GRAP2: variants seen among roughly 807,000 people sequenced by gnomAD.
GRAP2 encodes GRB2-related adapter protein 2.
GRAP2 carries 31 observed loss-of-function variants against 43.5 expected under a neutral mutation model. The observed-to-expected ratio is 0.71, with a 90% CI of 0.54 to 0.96. The LOEUF (loss-of-function observed/expected upper bound fraction) is 0.96, where lower values mean the gene tolerates loss of function less well. Among genes scored for constraint, GRAP2 ranks in the 40% least tolerant of loss-of-function variants. GRAP2 has a pLI of 0.00. For missense variants in GRAP2, 371 were observed against 424.4 expected, an observed-to-expected ratio of 0.87 and a Z score of 1.11; for synonymous variants, 156 against 164.8, an observed-to-expected ratio of 0.95 and a Z score of 0.41.
chr22:39,954,465 G>A (rs186066973), intron 2 of GRAP2, among the ~76,000 whole-genome samples: 7 of 152,212 alleles, frequency 4.6e-5, no homozygotes, highest in Admixed American at 3.3e-4. Context: ...GCAAGATCAC[G>A]GTTCACTGCA....
upstream of GRAP2, among the ~76,000 whole-genome samples, chr22:39,899,918 G>A (rs966180790): frequency 2.6e-5 from 4 of 152,088 alleles, no homozygotes; most frequent in African/African-American, 7.2e-5. Flanking sequence ...CTCGGGAGAC[G>A]GAGGTTGCAG....
Position 39,972,608 on chromosome 22 carries a change from T to C in GRAP2, c.*1524T>C, listed in dbSNP as rs1225707558. ...GGGATGGGGTTGGGGGCAGCCGTTATTGAAGGTGATCGGAGAAGAAAGATT... is the reference window on the plus strand; with the variant it reads ...GGGATGGGGTTGGGGGCAGCCGTTACTGAAGGTGATCGGAGAAGAAAGATT... On this transcript the variant is annotated 3_prime_UTR_variant, in exon 8 of 8. Transcript: ENST00000344138. 6.6e-6 allele frequency: 1 copy of C among 152,202 alleles called. No homozygotes were observed. The highest frequency in any genetic ancestry group is 1.5e-5 in the Non-Finnish European group (1 of 68,040). 9.4% of individuals were successfully genotyped at this position (152,202 alleles called of 1,614,324 possible). A position where few individuals can be genotyped will look rare whatever the true frequency, so the allele number is the denominator to read the frequency against.
chr22:39,928,337 T>C (rs1280849833), intron 1 of GRAP2, among the ~76,000 whole-genome samples: 2 of 152,200 alleles, frequency 1.3e-5, no homozygotes, highest in Non-Finnish European at 2.9e-5. Context: ...AATAAATGGG[T>C]TATTCACCTT....
chr22:39,927,266 C>T (rs933985953), intron 1 of GRAP2, among the ~76,000 whole-genome samples: 1 of 152,162 alleles, frequency 6.6e-6, no homozygotes, highest in Non-Finnish European at 1.5e-5. Flanking sequence ...TCTCGGCCCG[C>T]CGGCATGTGC....
chr22:39,938,940 C>G (rs1470901795), intron 1 of GRAP2, among the ~76,000 whole-genome samples: 1 of 152,112 alleles, frequency 6.6e-6, no homozygotes, highest in African/African-American at 2.4e-5. Context: ...AGAGGCCCCC[C>G]TCGTTCCATG....
chr22:39,967,218 A>G (rs994402381), intron 5 of GRAP2, among the ~76,000 whole-genome samples: 1 of 152,192 alleles, frequency 6.6e-6, no homozygotes, highest in African/African-American at 2.4e-5. Context: ...CTGAGAAGTT[A>G]CTGCCAAAGG....
chr22:39,969,391 C>T lies in GRAP2; in HGVS notation c.691-20C>T, dbSNP rs750791387. 1.5e-5 allele frequency: 24 copies of T among 1,613,036 alleles called. 2 individuals carry two copies. The South Asian group carries it at 2.6e-4, about 18-fold the overall frequency. The stretch of plus-strand genomic sequence containing the variant: ...ATGTCCTGGCAGTGGGGTGACCAGT[C>T]TTCTGTTGTATGTTTCTAGGAACGC... On this transcript the variant is annotated intron_variant, in intron 6 of 7. Coordinates refer to ENST00000344138, the MANE Select transcript of GRAP2 (RefSeq NM_004810.4).
Position 39,971,887 on chromosome 22 carries a change from T to G in GRAP2, c.*803T>G, listed in dbSNP as rs1335900923. The G allele has an allele frequency of 1.3e-5, 2 of 152,240 alleles. No homozygotes were observed. The highest frequency in any genetic ancestry group is 4.8e-5 in the African/African-American group (2 of 41,458). The allele number at this position is 152,240 out of a possible 1,614,324, so 9.4% of individuals were successfully genotyped here. A position where few individuals can be genotyped will look rare whatever the true frequency, so the allele number is the denominator to read the frequency against. On this transcript the variant is annotated 3_prime_UTR_variant, in exon 8 of 8. Coordinates refer to ENST00000344138, the MANE Select transcript of GRAP2 (RefSeq NM_004810.4). ...AGCATCCTACATTCCGTAAAGTGCT[T>G]GAAGAAGCTCTAGCTGAGAATGCTG...
intron 1 of GRAP2, among the ~76,000 whole-genome samples, chr22:39,940,898 T>G (rs974240883): frequency 6.6e-6 from 1 of 152,170 alleles, no homozygotes; most frequent in Non-Finnish European, 1.5e-5. Context: ...CCTGTCTAGT[T>G]AAAGGTTACC....
chr22:39,952,307 G>A (rs565692854), intron 2 of GRAP2, among the ~76,000 whole-genome samples: 94 of 152,268 alleles, frequency 6.2e-4, no homozygotes, highest in African/African-American at 2.0e-3. Flanking sequence ...GATTATAAGC[G>A]TGAGCCATGG....
intron 4 of GRAP2, among the ~76,000 whole-genome samples, chr22:39,965,724 T>G (rs1055993194): frequency 6.6e-6 from 1 of 152,272 alleles, no homozygotes; most frequent in Non-Finnish European, 1.5e-5. Context: ...AAAAGGTTAG[T>G]TCCAGTGTCC....
intron 1 of GRAP2, among the ~76,000 whole-genome samples, chr22:39,939,561 CA>C (rs386395434): frequency 9.5e-4 from 61 of 64,160 alleles, no homozygotes; most frequent in Admixed American, 1.9e-3. Flanking sequence ...GACTCCGTCT[CA>C]AAAAAAAAAA....
At chr22:39,913,801 A>G (rs545116456) in intron 1 of GRAP2, among the ~76,000 whole-genome samples, 37 of 152,332 alleles carry the variant, frequency 2.4e-4, no homozygotes, top group African/African-American at 8.9e-4. Flanking sequence ...ACATTTTCAG[A>G]GAAAGATTTC....
At chr22:39,938,510 G>C (rs2066830862) in intron 1 of GRAP2, among the ~76,000 whole-genome samples, 1 of 152,210 alleles carries the variant, frequency 6.6e-6, no homozygotes, top group Non-Finnish European at 1.5e-5. Context: ...TCCCATGTTG[G>C]GTGGAAACCC....
At chr22:39,959,325 T>C (rs543803883) in intron 3 of GRAP2, among the ~76,000 whole-genome samples, 23 of 152,334 alleles carry the variant, frequency 1.5e-4, no homozygotes, top group African/African-American at 4.8e-4. Context: ...GAGTAATTTC[T>C]CCTGTTTCTT....
intron 1 of GRAP2, among the ~76,000 whole-genome samples, chr22:39,941,920 A>G (rs1157445637): frequency 6.6e-6 from 1 of 152,070 alleles, no homozygotes; most frequent in East Asian, 1.9e-4. Context: ...AGGAGGGGAA[A>G]CAAATGTTTA....
At chr22:39,951,112 T>G (rs1569209412) in intron 2 of GRAP2, among the ~76,000 whole-genome samples, 1 of 151,958 alleles carries the variant, frequency 6.6e-6, no homozygotes, top group Non-Finnish European at 1.5e-5. Context: ...AATCAGCAGG[T>G]GCTCACTAGA....
At chr22:39,897,244 G>A (rs543618106), upstream of GRAP2, among the ~76,000 whole-genome samples, 1 of 152,092 alleles carries the variant, frequency 6.6e-6, no homozygotes, top group Non-Finnish European at 1.5e-5. Flanking sequence ...AGGTTCTCAG[G>A]CCATGAACCT....
chr22:39,957,133 G>A (rs1023389310), intron 3 of GRAP2, among the ~76,000 whole-genome samples: 1 of 152,186 alleles, frequency 6.6e-6, no homozygotes, highest in East Asian at 1.9e-4. Context: ...CAGAACCAGG[G>A]TCTAGCTCAA....
Sources: allele counts gnomAD v4.1 joint callset (sites outside exome capture counted in the v4.1 genomes callset), GRCh38; gene constraint gnomAD v4.1.1; transcripts MANE v1.5; gene names NCBI Gene and HGNC (gene_info 2026-07-23, HGNC 2026-07-21).